The following NDRG3 variants were observed in gnomAD, a reference collection of about 807,000 sequenced individuals.
NDRG3 encodes the protein protein NDRG3.
In NDRG3, 23 loss-of-function variants were observed where a neutral mutation model predicts 57.2. That is an observed-to-expected ratio of 0.40 (90% CI 0.29 to 0.57). The LOEUF is 0.57. Among genes scored for constraint, NDRG3 ranks in the 20% least tolerant of loss-of-function variants. The pLI is 0.42. For missense variants in NDRG3, 384 were observed against 457.3 expected (o/e 0.84, Z 1.46); for synonymous variants, 132 against 162.6 (o/e 0.81, Z 1.43).
intron 2 of NDRG3, among the ~76,000 whole-genome samples, chr20:36,717,930 G>A (rs1038530787): frequency 6.6e-6 from 1 of 152,224 alleles, no homozygotes; most frequent in Admixed American, 6.5e-5. Context: ...GCACAGAGCA[G>A]TGTTCCACAA....
At chr20:36,708,647 C>CAAAAAA (rs746647555) in intron 2 of NDRG3, among the ~76,000 whole-genome samples, 15 of 61,448 alleles carry the variant, frequency 2.4e-4, no homozygotes, top group East Asian at 5.9e-4. Context: ...GACTCCGTCT[C>CAAAAAA]AAAAAAAAAA....
chr20:36,712,744 C>T (rs944337292), intron 2 of NDRG3, among the ~76,000 whole-genome samples: 5 of 150,944 alleles, frequency 3.3e-5, no homozygotes, highest in Admixed American at 2.0e-4. Context: ...TACAGGCACA[C>T]GCCACCATAA....
intron 2 of NDRG3, among the ~76,000 whole-genome samples, chr20:36,715,978 G>A (rs1410111928): frequency 6.6e-6 from 1 of 152,068 alleles, no homozygotes; most frequent in Non-Finnish European, 1.5e-5. Context: ...GCCAGGCATG[G>A]TGGCAAGAGC....
rs1280328962 is a variant in NDRG3 at position 36,684,461 on chromosome 20, G to T, written c.335C>A (p.Thr112Lys). The change falls in exon 6 of 16, where the codon ACA (threonine) becomes AAA (lysine). Residue 112 changes from threonine to lysine, a missense_variant. Thr to Lys is a moderately conservative substitution (Grantham distance 78). Coordinates refer to ENST00000349004, the MANE Select transcript of NDRG3 (RefSeq NM_032013.4). ...CAGCATTTCAGCCAGCTCATCCATT[G>T]TGGGGTACTGATACCTGCAATCCAG... The part of the protein sequence containing the change: ...PSFPTGYQYP[T>K]MDELAEMLPP... The T allele has an allele frequency of 1.9e-6, 3 of 1,614,000 alleles. No individual in the cohort carries two copies. Among genetic ancestry groups the T allele is most frequent in the Non-Finnish European group, 2.5e-6 (3 of 1,179,870 alleles).
At chr20:36,669,890 C>A (rs535372205) in intron 9 of NDRG3, among the ~76,000 whole-genome samples, 1 of 152,142 alleles carries the variant, frequency 6.6e-6, no homozygotes, top group Non-Finnish European at 1.5e-5. Context: ...AGAGCCACTG[C>A]GCCTGACCCC....
chr20:36,692,869 T>C (rs184987521), intron 3 of NDRG3, among the ~76,000 whole-genome samples: 1 of 148,490 alleles, frequency 6.7e-6, no homozygotes, highest in Non-Finnish European at 1.5e-5. Context: ...AGCCCAGGAG[T>C]TCGAGACCAG....
intron 2 of NDRG3, among the ~76,000 whole-genome samples, chr20:36,713,216 G>GA (rs1313202358): frequency 1.3e-5 from 2 of 152,050 alleles, no homozygotes; most frequent in Non-Finnish European, 2.9e-5. Flanking sequence ...ATTTGAAGAG[G>GA]AAAAAAATCA....
At chr20:36,685,981 G>A (rs1981754033) in intron 5 of NDRG3, among the ~76,000 whole-genome samples, 1 of 152,200 alleles carries the variant, frequency 6.6e-6, no homozygotes, top group Non-Finnish European at 1.5e-5. Context: ...CTGTACTCCA[G>A]CCTGGGAAAC....
At chr20:36,662,112 A>C (rs1414349860) in intron 12 of NDRG3, among the ~76,000 whole-genome samples, 1 of 152,186 alleles carries the variant, frequency 6.6e-6, no homozygotes, top group Non-Finnish European at 1.5e-5. Flanking sequence ...TGAACTCTCA[A>C]ATCTGGATTT....
At chr20:36,671,939 T>C (rs972569412) in intron 8 of NDRG3, among the ~76,000 whole-genome samples, 7 of 151,806 alleles carry the variant, frequency 4.6e-5, no homozygotes, top group Non-Finnish European at 8.8e-5. Context: ...TGCTATGAAA[T>C]AGGGGACTGG....
intron 1 of NDRG3, among the ~76,000 whole-genome samples, chr20:36,732,682 T>C (rs1985352077): frequency 6.6e-6 from 1 of 152,050 alleles, no homozygotes; most frequent in African/African-American, 2.4e-5. Flanking sequence ...ATCCTAAGCA[T>C]TTCCCCAGGT....
chr20:36,708,876 T>TA (rs914324087), intron 2 of NDRG3, among the ~76,000 whole-genome samples: 11 of 151,528 alleles, frequency 7.3e-5, no homozygotes, highest in African/African-American at 2.4e-4. Flanking sequence ...CCATCTCTAT[T>TA]AAAAATACAA....
intron 1 of NDRG3, among the ~76,000 whole-genome samples, chr20:36,728,958 G>A (rs1404613448): frequency 1.3e-5 from 2 of 152,024 alleles, no homozygotes; most frequent in Non-Finnish European, 2.9e-5. Context: ...CTGACCTCAG[G>A]TGATCCGCCG....
intron 13 of NDRG3, 80 bp downstream of exon 13, chr20:36,660,257 T>C: frequency 8.7e-7 from 1 of 1,155,692 alleles, no homozygotes; most frequent in East Asian, 2.5e-5. Context: ...GCTTTGCTCC[T>C]TTCTAAGCAA....
intron 8 of NDRG3, among the ~76,000 whole-genome samples, chr20:36,680,161 G>A (rs1326975417): frequency 6.6e-6 from 1 of 151,248 alleles, no homozygotes; most frequent in Non-Finnish European, 1.5e-5. Context: ...ATACAACTTG[G>A]ATGAGTTTCA....
At chr20:36,721,066 G>T (rs1316176812) in intron 2 of NDRG3, among the ~76,000 whole-genome samples, 1 of 151,782 alleles carries the variant, frequency 6.6e-6, no homozygotes, top group African/African-American at 2.4e-5. Flanking sequence ...GTGAGCCACT[G>T]CGCCCAGCCC....
intron 8 of NDRG3, among the ~76,000 whole-genome samples, chr20:36,674,995 A>AGGTGGG (rs1288546002): frequency 7.0e-6 from 1 of 143,170 alleles, no homozygotes; most frequent in Non-Finnish European, 1.5e-5. Context: ...GCTGGGTTCA[A>AGGTGGG]GTATTCTTCC....
At chr20:36,740,232 A>G (rs192793633) in intron 1 of NDRG3, among the ~76,000 whole-genome samples, 1 of 152,372 alleles carries the variant, frequency 6.6e-6, no homozygotes. Context: ...TACCAGCTCC[A>G]TATCAATAAC....
chr20:36,717,565 A>C (rs1249240043), intron 2 of NDRG3, among the ~76,000 whole-genome samples: 1 of 152,218 alleles, frequency 6.6e-6, no homozygotes, highest in South Asian at 2.1e-4. Flanking sequence ...TGGCTTTGCC[A>C]CTTCTTTACT....
Sources: allele counts gnomAD v4.1 joint callset (sites outside exome capture counted in the v4.1 genomes callset), GRCh38; gene constraint gnomAD v4.1.1; transcripts MANE v1.5; gene names NCBI Gene and HGNC (gene_info 2026-07-23, HGNC 2026-07-21).